KIZ: variants seen among roughly 807,000 people sequenced by gnomAD.
The protein encoded by KIZ is centrosomal protein kizuna.
In KIZ, 68 loss-of-function variants were observed where a neutral mutation model predicts 79.6. The ratio of observed to expected loss-of-function variants is 0.85; its 90% CI spans 0.70 to 1.05. The LOEUF (loss-of-function observed/expected upper bound fraction) is 1.05. Among genes scored for constraint, KIZ ranks in the 50% least tolerant of loss-of-function variants. KIZ has a pLI of 0.00. For synonymous variants in KIZ, 280 were observed against 281.8 expected (o/e 0.99, Z 0.06); for missense variants, 797 against 800.4 (o/e 1.00, Z 0.05).
At chr20:21,229,299 G>T (rs2036760718) in intron 10 of KIZ, among the ~76,000 whole-genome samples, 184 bp downstream of exon 10, 1 of 152,238 alleles carries the variant, frequency 6.6e-6, no homozygotes, top group Admixed American at 6.5e-5. Flanking sequence ...CCCTTTTGTT[G>T]TGTCCTAGAC....
At chr20:21,149,806 A>C (rs2033028881) in intron 4 of KIZ, among the ~76,000 whole-genome samples, 1 of 152,226 alleles carries the variant, frequency 6.6e-6, no homozygotes, top group Non-Finnish European at 1.5e-5. Context: ...TGATTGAAAT[A>C]AATATTGCAG....
chr20:21,175,583 A>G (rs1350744234), intron 6 of KIZ, among the ~76,000 whole-genome samples: 2 of 152,168 alleles, frequency 1.3e-5, no homozygotes, highest in Non-Finnish European at 2.9e-5. Context: ...GGTCACCAGA[A>G]GACTGAAACC....
At chr20:21,207,355 C>T (rs1205348135) in intron 7 of KIZ, among the ~76,000 whole-genome samples, 16 of 152,012 alleles carry the variant, frequency 1.1e-4, no homozygotes, top group Admixed American at 9.8e-4. Context: ...AGTGATAGGA[C>T]GGACCCACTA....
intron 6 of KIZ, among the ~76,000 whole-genome samples, chr20:21,169,779 GTGTCT>G (rs2034122652): frequency 6.6e-6 from 1 of 152,162 alleles, no homozygotes; most frequent in African/African-American, 2.4e-5. Flanking sequence ...GATCTTTTTA[GTGTCT>G]TGTCTTTTCC....
chr20:21,228,857 T>G (rs912459915), intron 9 of KIZ, among the ~76,000 whole-genome samples, 154 bp from the exon 10 acceptor site: 5 of 152,172 alleles, frequency 3.3e-5, no homozygotes, highest in Admixed American at 2.0e-4. Context: ...ACTAAATTGT[T>G]TTTTGTTTGT....
intron 6 of KIZ, among the ~76,000 whole-genome samples, chr20:21,182,843 CTTCTT>C (rs1356512735): frequency 6.7e-6 from 1 of 149,680 alleles, no homozygotes; most frequent in Non-Finnish European, 1.5e-5. Flanking sequence ...ATATTTTAGA[CTTCTT>C]TTCTCCTCTC....
At chr20:21,178,055 G>A (rs1220792770) in intron 6 of KIZ, among the ~76,000 whole-genome samples, 1 of 151,954 alleles carries the variant, frequency 6.6e-6, no homozygotes, top group Non-Finnish European at 1.5e-5. Flanking sequence ...TGTCTTGGCT[G>A]TTCAGGGTCT....
chr20:21,162,018 A>G lies in KIZ; in HGVS notation c.553A>G (p.Asn185Asp). ...TEHKSPQPTK[N>D]FSIPDPHSHR... ...GCACAAATCTCCCCAGCCCACAAAG[A>G]ACTTTTCAATTCCTGACCCACATTC... Residue 185 changes from asparagine to aspartate, a missense_variant, in exon 5 of 13, where the codon AAC (asparagine) becomes GAC (aspartate). Physicochemically the swap from Asn to Asp is conservative, Grantham distance 23. Transcript: ENST00000619189. 1 of 1,614,008 alleles carries G rather than the reference A, an allele frequency of 6.2e-7. No homozygotes were observed. Among genetic ancestry groups the G allele is most frequent in the East Asian group, 2.2e-5 (1 of 44,880 alleles).
intron 11 of KIZ, among the ~76,000 whole-genome samples, chr20:21,242,890 C>T (rs930936787): frequency 2.6e-5 from 4 of 152,164 alleles, no homozygotes; most frequent in African/African-American, 9.7e-5. Context: ...TCCTGCTCCC[C>T]CTGTGGCTCT....
At chr20:21,232,019 T>C (rs1227257221) in intron 10 of KIZ, among the ~76,000 whole-genome samples, 1 of 152,214 alleles carries the variant, frequency 6.6e-6, no homozygotes, top group Non-Finnish European at 1.5e-5. Flanking sequence ...GGTTAGAAAC[T>C]CAGCAAATGC....
intron 4 of KIZ, among the ~76,000 whole-genome samples, chr20:21,148,374 C>G (rs1171095855): frequency 1.3e-5 from 2 of 152,120 alleles, no homozygotes; most frequent in African/African-American, 4.8e-5. Flanking sequence ...TGTAGGACAT[C>G]TATTATTTGC....
At position 21,186,419 on chromosome 20, in the gene KIZ, C is replaced by T. The variant is rs535917054; in HGVS notation, c.1353-19072C>T. On this transcript the variant is annotated intron_variant, in intron 6 of 12. Coordinates refer to ENST00000619189, the MANE Select transcript of KIZ (RefSeq NM_018474.6). ...GAGTACACTTGGAATCCGTTTCTTC[C>T]GTTTCGAAAAGTCCACTTACCCGGA... Among the ~76,000 whole-genome samples, 8 of 151,812 alleles carry T rather than the reference C, an allele frequency of 5.3e-5. No individual in the cohort carries two copies. In the South Asian group the frequency reaches 1.5e-3, roughly 28 times the overall value.
rs189187682 is a variant in KIZ at position 21,129,765 on chromosome 20, T to A, written c.90-2332T>A. 8.8e-4 allele frequency among the ~76,000 whole-genome samples: 134 copies of A among 151,976 alleles called. 2 individuals carry two copies. The East Asian group carries it at 0.017, about 20-fold the overall frequency. The stretch of plus-strand genomic sequence containing the variant: ...AAAATGTGTGTATATATATATATAT[T>A]TTTTAAAGTAAATTCTAGCTTACAA... On this transcript the variant is annotated intron_variant, in intron 1 of 12. Coordinates refer to ENST00000619189, the MANE Select transcript of KIZ (RefSeq NM_018474.6).
rs1351222490 is a variant in KIZ at position 21,162,901 on chromosome 20, A to G, written c.1094A>G (p.Gln365Arg). Residue 365 changes from glutamine (Q) to arginine (R), a missense_variant, in exon 6 of 13, where the codon CAG (glutamine) becomes CGG (arginine). Physicochemically the swap from Gln to Arg is conservative, Grantham distance 43. Transcript: ENST00000619189. ...TCACAAAAGCCCTTCAGAAAAATGC[A>G]GGAAGAGGAGGAGGAAAGTTGGAGC... ...PKSQKPFRKM[Q>R]EEEEESWSTS... 4.3e-6 allele frequency: 7 copies of G among 1,613,646 alleles called. No individual in the cohort carries two copies. The highest frequency in any genetic ancestry group is 4.2e-6 in the Non-Finnish European group (5 of 1,179,738).
chr20:21,234,240 G>T (rs2036924189), intron 11 of KIZ, among the ~76,000 whole-genome samples: 1 of 151,920 alleles, frequency 6.6e-6, no homozygotes, highest in Non-Finnish European at 1.5e-5. Context: ...CTAAAATCAA[G>T]CATTTTCCTC....
chr20:21,145,648 A>G lies in KIZ; in HGVS notation c.399A>G (p.Arg133=). 1.4e-6 allele frequency: 2 copies of G among 1,446,842 alleles called. No individual in the cohort carries two copies. Among genetic ancestry groups the G allele is most frequent in the Non-Finnish European group, 1.9e-6 (2 of 1,064,390 alleles). 89.6% of individuals were successfully genotyped at this position (1,446,842 alleles called of 1,614,324 possible). ...AAGAGGAACTGACAGATGAAGACAG[A>G]GAAAAGGTAATAAACTAAATTGGTA... is the stretch of plus-strand genomic sequence containing the variant. The part of the protein sequence containing the change: ...GLKEELTDED[R]EKVAVHEGIN... The change falls in exon 4 of 13, where the codon AGA becomes AGG. Residue 133 remains arginine, a synonymous_variant. Coordinates refer to ENST00000619189, the MANE Select transcript of KIZ (RefSeq NM_018474.6).
intron 11 of KIZ, among the ~76,000 whole-genome samples, chr20:21,238,650 A>G (rs1026622403): frequency 2.6e-5 from 4 of 152,068 alleles, no homozygotes; most frequent in African/African-American, 9.7e-5. Flanking sequence ...CCACAGTTCC[A>G]CTGTCATCAG....
rs563992393 is a variant in KIZ, at chr20:21,244,497, G to C, written c.1924+209G>C. 66 of 568,158 alleles carry C rather than the reference G, an allele frequency of 1.2e-4. No homozygotes were observed. The South Asian group carries it at 1.5e-3, about 13-fold the overall frequency. The allele number at this position is 568,158 out of a possible 1,614,324, so 35.2% of individuals were successfully genotyped here. A position where few individuals can be genotyped will look rare whatever the true frequency, so the allele number is the denominator to read the frequency against. On this transcript the variant is annotated intron_variant, in intron 12 of 12. Coordinates refer to ENST00000619189, the MANE Select transcript of KIZ (RefSeq NM_018474.6). Reference sequence around the variant, plus strand: ...GACCACACGGGTGCCATGGACCACAGGGGCAGAGCATTGTAATTTGCAAGT... The same window carrying C: ...GACCACACGGGTGCCATGGACCACACGGGCAGAGCATTGTAATTTGCAAGT...
chr20:21,205,640 A>C (rs2035791438), intron 7 of KIZ, 56 bp downstream of exon 7: 2 of 727,534 alleles, frequency 2.7e-6, no homozygotes, highest in Non-Finnish European at 4.5e-6. Context: ...CCACAGGGTA[A>C]GGTTAGTAAT....
Sources: gnomAD v4.1 joint callset for allele counts (sites outside exome capture counted in the v4.1 genomes callset) on GRCh38, gnomAD v4.1.1 for gene constraint, MANE v1.5 for transcripts, NCBI Gene and HGNC (gene_info 2026-07-23, HGNC 2026-07-21) for gene names.